The following ZNF713 variants were observed in gnomAD, a reference collection of about 807,000 sequenced individuals.
The protein encoded by ZNF713 is zinc finger protein 713.
Under a neutral mutation model 28.7 loss-of-function variants are expected in ZNF713, and 21 were observed. That is an observed-to-expected ratio of 0.73 (90% CI 0.52 to 1.05). The LOEUF is 1.05. Ranked by LOEUF, ZNF713 falls within the 50% of genes least tolerant of loss-of-function variation. The pLI is 0.00. For missense variants in ZNF713, 458 were observed against 532.4 expected (o/e 0.86, Z 1.37); for synonymous variants, 167 against 178.0 (o/e 0.94, Z 0.49).
At chr7:55,902,804 T>G (rs1785601037) in intron 1 of ZNF713, among the ~76,000 whole-genome samples, 1 of 151,910 alleles carries the variant, frequency 6.6e-6, no homozygotes, top group South Asian at 2.1e-4. Flanking sequence ...GAAAGAACAT[T>G]AGTGAAATGT....
chr7:55,906,657 A>G (rs568195365), intron 2 of ZNF713, among the ~76,000 whole-genome samples: 1 of 152,208 alleles, frequency 6.6e-6, no homozygotes, highest in African/African-American at 2.4e-5. Context: ...TTTATACAGC[A>G]TGCTTTTAAG....
At chr7:55,919,866 A>AT (rs568063954) in intron 4 of ZNF713, among the ~76,000 whole-genome samples, 4 of 150,210 alleles carry the variant, frequency 2.7e-5, no homozygotes, top group Non-Finnish European at 4.4e-5. Flanking sequence ...CCTCAAGTGT[A>AT]TTTTTTTTTT....
intron 1 of ZNF713, among the ~76,000 whole-genome samples, chr7:55,902,689 G>C (rs1401767382): frequency 6.6e-6 from 1 of 152,072 alleles, no homozygotes; most frequent in Non-Finnish European, 1.5e-5. Context: ...AAAGTGTCAA[G>C]CTCATGAAAG....
intron 5 of ZNF713, 148 bp from the exon 6 acceptor site, chr7:55,923,459 T>C (rs1786033525): frequency 1.8e-6 from 2 of 1,088,266 alleles, no homozygotes; most frequent in East Asian, 2.5e-5. Flanking sequence ...CAATGGAATG[T>C]CTTGATTGAG....
chr7:55,938,503 C>T (rs1203919933), intron 6 of ZNF713, among the ~76,000 whole-genome samples: 9 of 151,992 alleles, frequency 5.9e-5, no homozygotes, highest in Admixed American at 5.9e-4. Flanking sequence ...TTTCTATCAG[C>T]AAGTATTAGT....
chr7:55,923,342 G>T, intron 5 of ZNF713, 54 bp downstream of exon 5: 1 of 1,562,436 alleles, frequency 6.4e-7, no homozygotes, highest in South Asian at 1.2e-5. Flanking sequence ...TTTATTTCCT[G>T]AACTAGTAGA....
chr7:55,890,782 G>A (rs1433777692), intron 1 of ZNF713, among the ~76,000 whole-genome samples: 10 of 152,080 alleles, frequency 6.6e-5, no homozygotes. Context: ...CACTTTGGGA[G>A]GCCGAGGTGG....
chr7:55,893,501 T>C (rs893443756), intron 1 of ZNF713, among the ~76,000 whole-genome samples: 2 of 152,154 alleles, frequency 1.3e-5, no homozygotes, highest in Admixed American at 6.6e-5. Context: ...CCAGTTATTA[T>C]ACAGAAGGCA....
chr7:55,897,106 T>G (rs1785486965), intron 1 of ZNF713, among the ~76,000 whole-genome samples: 1 of 152,122 alleles, frequency 6.6e-6, no homozygotes, highest in African/African-American at 2.4e-5. Context: ...AAAATTCCAA[T>G]ACTAAATTAG....
intron 2 of ZNF713, among the ~76,000 whole-genome samples, 155 bp downstream of exon 2, chr7:55,906,534 CT>C: frequency 6.6e-6 from 1 of 151,650 alleles, no homozygotes; most frequent in African/African-American, 2.4e-5. Context: ...AGAGAACTGC[CT>C]TTTTTTTTCT....
chr7:55,902,483 T>C (rs1215395565), intron 1 of ZNF713, among the ~76,000 whole-genome samples: 1 of 152,214 alleles, frequency 6.6e-6, no homozygotes, highest in Non-Finnish European at 1.5e-5. Context: ...GAATTTCTCT[T>C]GTCATCTTAA....
At position 55,905,565 on chromosome 7, in the gene ZNF713, A is replaced by G. The variant is rs567649114; in HGVS notation, c.-582-688A>G. Among the ~76,000 whole-genome samples, 5 of 152,086 alleles carry G rather than the reference A, an allele frequency of 3.3e-5. No homozygotes were observed. In the South Asian group the frequency reaches 8.3e-4, roughly 25 times the overall value. On this transcript the variant is annotated intron_variant, in intron 1 of 6. Coordinates refer to ENST00000429591, the MANE Select transcript of ZNF713 (RefSeq NM_182633.3). Reference sequence around the variant, plus strand: ...TTAGGTAATCTCTGGAGCCCTCTTCAGTTTGTACTGAAAAGAAAAATGGAT... The same window carrying G: ...TTAGGTAATCTCTGGAGCCCTCTTCGGTTTGTACTGAAAAGAAAAATGGAT...
At chr7:55,899,680 A>G (rs1359139279) in intron 1 of ZNF713, among the ~76,000 whole-genome samples, 1 of 152,018 alleles carries the variant, frequency 6.6e-6, no homozygotes, top group Non-Finnish European at 1.5e-5. Flanking sequence ...TCAAAAAAAT[A>G]AAAAATAAAA....
At chr7:55,938,813 A>G (rs1433412594) in intron 6 of ZNF713, among the ~76,000 whole-genome samples, 169 bp from the exon 7 acceptor site, 1 of 152,140 alleles carries the variant, frequency 6.6e-6, no homozygotes, top group Non-Finnish European at 1.5e-5. Flanking sequence ...ACTTCTCATA[A>G]TCTTTCCCTT....
intron 1 of ZNF713, among the ~76,000 whole-genome samples, chr7:55,895,055 T>G (rs1210078323): frequency 6.6e-6 from 1 of 152,206 alleles, no homozygotes; most frequent in East Asian, 1.9e-4. Context: ...TTTTAATATT[T>G]GCCAAAAAGT....
chr7:55,939,014 A>G lies in ZNF713; in HGVS notation c.340A>G (p.Thr114Ala), dbSNP rs375877921. 2 of 1,588,718 alleles carry G rather than the reference A, an allele frequency of 1.3e-6. No homozygotes were observed. The change falls in exon 7 of 7, where the codon ACC becomes GCC. Residue 114 changes from threonine (T) to alanine (A), a missense_variant. Thr to Ala is a moderately conservative substitution (Grantham distance 58). Coordinates refer to ENST00000429591, the MANE Select transcript of ZNF713 (RefSeq NM_182633.3). ...AAACAGACCCGAAATCAAAAAGTCA[A>G]CCACAAGCCAGAATATTTCTGATGA... is the stretch of plus-strand genomic sequence containing the variant. ...GENRPEIKKS[T>A]TSQNISDENQ...
chr7:55,926,084 G>C (rs1786090022), intron 6 of ZNF713, among the ~76,000 whole-genome samples: 1 of 152,130 alleles, frequency 6.6e-6, no homozygotes, highest in Admixed American at 6.5e-5. Flanking sequence ...GGGAGGCTGA[G>C]GTGGACAATC....
intron 2 of ZNF713, 51 bp downstream of exon 2, chr7:55,906,430 A>G (rs908087982): frequency 2.6e-5 from 4 of 152,124 alleles, no homozygotes; most frequent in Non-Finnish European, 5.9e-5. Context: ...AGGTGTAGAC[A>G]TTATTTGGGC....
At chr7:55,929,864 G>A (rs1172866082) in intron 6 of ZNF713, among the ~76,000 whole-genome samples, 1 of 152,040 alleles carries the variant, frequency 6.6e-6, no homozygotes, top group Admixed American at 6.6e-5. Flanking sequence ...CCATTAAAGA[G>A]GAGATTCATA....
Sources: gnomAD v4.1 joint callset for allele counts (sites outside exome capture counted in the v4.1 genomes callset) on GRCh38, gnomAD v4.1.1 for gene constraint, MANE v1.5 for transcripts, NCBI Gene and HGNC (gene_info 2026-07-23, HGNC 2026-07-21) for gene names.